Variants in MCPH1 observed in about 807,000 individuals in gnomAD.
MCPH1 encodes the protein microcephalin.
In MCPH1, 104 loss-of-function variants were observed where a neutral mutation model predicts 84.5. The observed-to-expected ratio is 1.23, with a 90% CI of 1.05 to 1.45. The LOEUF (loss-of-function observed/expected upper bound fraction) is 1.45, where lower values mean the gene tolerates loss of function less well. Ranked by LOEUF, MCPH1 falls within the 40% of genes most tolerant of loss-of-function variation. The pLI is 0.00. For missense variants in MCPH1, 1,498 were observed against 1,005.7 expected (o/e 1.49, Z -6.62); for synonymous variants, 514 against 366.8 (o/e 1.40, Z -4.58).
At chr8:6,621,018 C>G (rs4240664) in intron 12 of MCPH1, 229,851 of 231,444 alleles carry the variant, frequency 0.99, 114,149 homozygotes, top group Middle Eastern at 1. Flanking sequence ...TTTCTGCCAA[C>G]AGCCTGGAGC....
intron 3 of MCPH1, among the ~76,000 whole-genome samples, chr8:6,420,081 C>T (rs994630628): frequency 2.0e-5 from 3 of 151,286 alleles, no homozygotes; most frequent in Non-Finnish European, 4.4e-5. Context: ...TCGTGTATCT[C>T]GTTTGCGTTT....
At chr8:6,625,330 G>A (rs1024346067) in intron 13 of MCPH1, 85 of 985,286 alleles carry the variant, frequency 8.6e-5, no homozygotes, top group Middle Eastern at 5.2e-4. Flanking sequence ...GCAGATTGAC[G>A]GTATCCATGG....
intron 12 of MCPH1, among the ~76,000 whole-genome samples, chr8:6,606,368 A>G (rs1201496613): frequency 2.0e-5 from 3 of 152,190 alleles, no homozygotes; most frequent in Admixed American, 1.3e-4. Context: ...AAAATTCCCA[A>G]CAGTCCGTGT....
chr8:6,572,033 T>C (rs1280743473), intron 12 of MCPH1, among the ~76,000 whole-genome samples: 1 of 152,130 alleles, frequency 6.6e-6, no homozygotes, highest in Non-Finnish European at 1.5e-5. Flanking sequence ...ACCCCATTAA[T>C]AATAAAGCAT....
At chr8:6,571,727 ACCT>A (rs776447466) in intron 12 of MCPH1, among the ~76,000 whole-genome samples, 4 of 152,050 alleles carry the variant, frequency 2.6e-5, no homozygotes, top group Non-Finnish European at 5.9e-5. Flanking sequence ...AAAGTCCATG[ACCT>A]CCTTTTGGTA....
chr8:6,618,414 C>G (rs952973258), intron 12 of MCPH1: 2 of 152,178 alleles, frequency 1.3e-5, no homozygotes, highest in Non-Finnish European at 2.9e-5. Flanking sequence ...GAAGTCACAT[C>G]CTAAACATTC....
intron 12 of MCPH1, among the ~76,000 whole-genome samples, chr8:6,505,784 A>G (rs1337553267): frequency 7.4e-6 from 1 of 135,758 alleles, no homozygotes; most frequent in East Asian, 2.1e-4. Context: ...TTCTTTATAT[A>G]TGTATATATA....
intron 10 of MCPH1, among the ~76,000 whole-genome samples, chr8:6,478,760 T>A (rs1305873165): frequency 6.6e-6 from 1 of 152,208 alleles, no homozygotes; most frequent in Non-Finnish European, 1.5e-5. Context: ...TTTTATCATT[T>A]TTGCCTTTAT....
intron 12 of MCPH1, among the ~76,000 whole-genome samples, chr8:6,609,833 C>CAT (rs1830115841): frequency 6.8e-6 from 1 of 146,740 alleles, no homozygotes; most frequent in African/African-American, 2.5e-5. Context: ...CCCCCCCACA[C>CAT]ACAGACTGCC....
intron 10 of MCPH1, among the ~76,000 whole-genome samples, chr8:6,480,107 T>C (rs556996828): frequency 1.3e-5 from 2 of 150,754 alleles, no homozygotes; most frequent in African/African-American, 2.4e-5. Context: ...CCTGGTTCCT[T>C]TTTTTCTTTT....
intron 3 of MCPH1, among the ~76,000 whole-genome samples, chr8:6,425,493 T>G (rs1800920876): frequency 6.6e-6 from 1 of 152,166 alleles, no homozygotes; most frequent in Non-Finnish European, 1.5e-5. Flanking sequence ...AAGTGCCACT[T>G]ACTTCTTCAT....
intron 3 of MCPH1, among the ~76,000 whole-genome samples, chr8:6,417,519 TC>T (rs1799489215): frequency 6.6e-6 from 1 of 152,168 alleles, no homozygotes. Flanking sequence ...TATTGTTCAG[TC>T]TTTTTTTTTC....
chr8:6,492,879 G>A (rs991371272), intron 11 of MCPH1, among the ~76,000 whole-genome samples: 8 of 151,972 alleles, frequency 5.3e-5, no homozygotes, highest in East Asian at 1.9e-4. Flanking sequence ...TGCATACTGC[G>A]CTTTGCCATG....
chr8:6,445,953 A>G, intron 8 of MCPH1: 1 of 984,220 alleles, frequency 1.0e-6, no homozygotes, highest in Non-Finnish European at 1.2e-6. Flanking sequence ...CTATTTAAAG[A>G]AAGAAATTAA....
intron 13 of MCPH1, among the ~76,000 whole-genome samples, chr8:6,634,314 G>T (rs1027324994): frequency 2.0e-5 from 3 of 152,188 alleles, no homozygotes; most frequent in African/African-American, 7.2e-5. Flanking sequence ...CAGATCACAA[G>T]GCAGCGTCGA....
chr8:6,552,877 A>T (rs974331902), intron 12 of MCPH1, among the ~76,000 whole-genome samples: 3 of 151,790 alleles, frequency 2.0e-5, no homozygotes, highest in Non-Finnish European at 4.4e-5. Flanking sequence ...TGTATATTTT[A>T]TGATTCCAAC....
chr8:6,520,032 G>T, intron 12 of MCPH1: 1 of 1,605,808 alleles, frequency 6.2e-7, no homozygotes, highest in South Asian at 1.1e-5. Context: ...CGGAGTTCAT[G>T]AAAAGACAAA....
chr8:6,500,619 C>A (rs1231392334), intron 12 of MCPH1: 1 of 152,182 alleles, frequency 6.6e-6, no homozygotes, highest in African/African-American at 2.4e-5. Context: ...GAACTGTGCT[C>A]CCTGATCACT....
At chr8:6,418,638 A>G (rs1455364416) in intron 3 of MCPH1, among the ~76,000 whole-genome samples, 1 of 151,976 alleles carries the variant, frequency 6.6e-6, no homozygotes, top group Non-Finnish European at 1.5e-5. Flanking sequence ...GCTGGAGTGC[A>G]GTGGCGCGAT....
Sources: allele counts gnomAD v4.1 joint callset (sites outside exome capture counted in the v4.1 genomes callset), GRCh38; gene constraint gnomAD v4.1.1; transcripts MANE v1.5; gene names NCBI Gene and HGNC (gene_info 2026-07-23, HGNC 2026-07-21).